The following RNF11 variants were observed in gnomAD, a reference collection of about 807,000 sequenced individuals.
RNF11 encodes the protein ring finger protein 11.
RNF11 carries 4 observed loss-of-function variants against 15.8 expected under a neutral mutation model. The ratio of observed to expected loss-of-function variants is 0.25; its 90% CI spans 0.12 to 0.58. RNF11 has a LOEUF of 0.58. Among genes scored for constraint, RNF11 ranks in the 20% least tolerant of loss-of-function variants. The pLI, the probability that RNF11 is intolerant of heterozygous loss-of-function variation, is 0.91. For missense variants in RNF11, 139 were observed against 194.4 expected, an observed-to-expected ratio of 0.71 and a Z score of 1.70; for synonymous variants, 68 against 72.3, an observed-to-expected ratio of 0.94 and a Z score of 0.30.
chr1:51,249,136 A>G (rs1479326136), intron 1 of RNF11, among the ~76,000 whole-genome samples: 1 of 152,214 alleles, frequency 6.6e-6, no homozygotes, highest in Admixed American at 6.6e-5. Context: ...GATGGTGGAC[A>G]TGAATTTAGA....
intron 1 of RNF11, chr1:51,251,023 C>G (rs1646874912): frequency 6.8e-7 from 1 of 1,480,638 alleles, no homozygotes; most frequent in Non-Finnish European, 9.3e-7. Flanking sequence ...ATGATGGCCC[C>G]ATGGATGGCG....
intron 1 of RNF11, among the ~76,000 whole-genome samples, chr1:51,238,639 T>C (rs1031714153): frequency 4.6e-5 from 7 of 152,246 alleles, no homozygotes; most frequent in Admixed American, 2.0e-4. Flanking sequence ...TGGGTGTCTT[T>C]ACAAGTACCT....
chr1:51,248,048 A>G (rs947350226), intron 1 of RNF11, among the ~76,000 whole-genome samples: 1 of 150,912 alleles, frequency 6.6e-6, no homozygotes. Context: ...ATAATTGAGT[A>G]GCGAGGCCTT....
At chr1:51,261,979 C>T (rs1646932592) in intron 1 of RNF11, among the ~76,000 whole-genome samples, 1 of 152,194 alleles carries the variant, frequency 6.6e-6, no homozygotes, top group African/African-American at 2.4e-5. Context: ...CTCAGACTCC[C>T]GAGCAGCTGG....
chr1:51,251,447 C>A (rs569504510), intron 1 of RNF11: 24 of 759,188 alleles, frequency 3.2e-5, no homozygotes, highest in South Asian at 4.9e-5. Context: ...CGGGCCCCCC[C>A]CCGCTGCACT....
intron 1 of RNF11, among the ~76,000 whole-genome samples, chr1:51,246,635 T>C (rs1452319333): frequency 1.3e-5 from 2 of 152,084 alleles, no homozygotes; most frequent in Non-Finnish European, 2.9e-5. Context: ...GGCGGGAGGA[T>C]TGCTTGCATC....
chr1:51,242,894 C>G (rs1225118189), intron 1 of RNF11, among the ~76,000 whole-genome samples: 1 of 151,696 alleles, frequency 6.6e-6, no homozygotes, highest in Non-Finnish European at 1.5e-5. Flanking sequence ...TTTCACGTAT[C>G]TAGGCCTTAT....
rs540954409 is a variant in RNF11 at position 51,246,040 on chromosome 1, C to T, written c.123+9161C>T. ...CAGTACTTTGGGAGGCTGAGGTGGG[C>T]GGGTCACCTGAGGTTAGGAGTTTGA... is the stretch of plus-strand genomic sequence containing the variant. On this transcript the variant is annotated intron_variant, in intron 1 of 2. Transcript: ENST00000242719. Among the ~76,000 whole-genome samples the T allele has an allele frequency of 5.9e-5, 9 of 151,880 alleles. No homozygotes were observed. The East Asian group carries it at 1.6e-3, about 26-fold the overall frequency.
At chr1:51,254,647 G>A (rs989996308) in intron 1 of RNF11, among the ~76,000 whole-genome samples, 1 of 152,094 alleles carries the variant, frequency 6.6e-6, no homozygotes. Flanking sequence ...ATTTTTAGTA[G>A]AGAGGGGATT....
At chr1:51,270,161 A>AT (rs1343875929) in intron 2 of RNF11, 36 bp downstream of exon 2, 1 of 1,532,622 alleles carries the variant, frequency 6.5e-7, no homozygotes, top group Non-Finnish European at 8.8e-7. Context: ...TCAAAGTTTT[A>AT]TTTTCAGATT....
intron 1 of RNF11, among the ~76,000 whole-genome samples, chr1:51,269,656 G>T (rs1646969757): frequency 6.6e-6 from 1 of 152,114 alleles, no homozygotes; most frequent in Non-Finnish European, 1.5e-5. Context: ...TAGAGATGAG[G>T]TCTTGCTATG....
At chr1:51,259,490 A>T (rs1041049950) in intron 1 of RNF11, among the ~76,000 whole-genome samples, 2 of 152,238 alleles carry the variant, frequency 1.3e-5, no homozygotes, top group Admixed American at 6.5e-5. Flanking sequence ...TAGGGTTTTT[A>T]AAAAATGTTG....
At chr1:51,238,469 C>G (rs548099236) in intron 1 of RNF11, among the ~76,000 whole-genome samples, 2 of 152,270 alleles carry the variant, frequency 1.3e-5, no homozygotes, top group East Asian at 3.9e-4. Flanking sequence ...AGTAAAAGCC[C>G]TTGAGAACAG....
In RNF11 at chr1:51,236,730, C is replaced by G; in HGVS notation, c.-27C>G. The stretch of plus-strand genomic sequence containing the variant: ...GACCCCACCGCTGCTTTCTCCTCCC[C>G]CAGATCACGCACCCCAGCTCCGGAA... On this transcript the variant is annotated 5_prime_UTR_variant, in exon 1 of 3. Transcript: ENST00000242719. 2 of 1,608,836 alleles carry G rather than the reference C, an allele frequency of 1.2e-6. No homozygotes were observed. The highest frequency in any genetic ancestry group is 1.9e-4 in the Middle Eastern group (1 of 5,202).
chr1:51,261,262 T>C (rs1202576312), intron 1 of RNF11, among the ~76,000 whole-genome samples: 2 of 152,226 alleles, frequency 1.3e-5, no homozygotes, highest in African/African-American at 2.4e-5. Flanking sequence ...GTGTGATTGA[T>C]TTCCTTAGTA....
intron 1 of RNF11, among the ~76,000 whole-genome samples, chr1:51,263,455 GTGTGTGTGTGTGTTTA>G (rs1202775618): frequency 6.6e-6 from 1 of 152,170 alleles, no homozygotes; most frequent in Non-Finnish European, 1.5e-5. Flanking sequence ...ACAGGGTTGT[GTGTGTGTGTGTGTTTA>G]CACAACTTGA....
chr1:51,247,400 G>A (rs557326592), intron 1 of RNF11, among the ~76,000 whole-genome samples: 138 of 151,758 alleles, frequency 9.1e-4, no homozygotes, highest in African/African-American at 2.9e-3. Flanking sequence ...GGGTTTTTTG[G>A]TTTTCAATTA....
At chr1:51,237,358 GC>G (rs1646808978) in intron 1 of RNF11, among the ~76,000 whole-genome samples, 1 of 150,570 alleles carries the variant, frequency 6.6e-6, no homozygotes, top group Non-Finnish European at 1.5e-5. Flanking sequence ...TTTTCCCTCT[GC>G]TTGGGAGACG....
intron 1 of RNF11, among the ~76,000 whole-genome samples, chr1:51,255,159 G>GTA (rs1269837392): frequency 2.0e-5 from 3 of 152,032 alleles, no homozygotes; most frequent in South Asian, 2.1e-4. Flanking sequence ...TATATAATAT[G>GTA]TATATATATG....
Sources: allele counts gnomAD v4.1 joint callset (sites outside exome capture counted in the v4.1 genomes callset), GRCh38; gene constraint gnomAD v4.1.1; transcripts MANE v1.5; gene names NCBI Gene and HGNC (gene_info 2026-07-23, HGNC 2026-07-21).